RIPK4: variants seen among roughly 807,000 people sequenced by gnomAD.
RIPK4 encodes the protein receptor-interacting serine/threonine-protein kinase 4.
RIPK4 carries 17 observed loss-of-function variants against 42.9 expected under a neutral mutation model. The observed-to-expected ratio is 0.40, with a 90% CI of 0.27 to 0.59. The LOEUF is 0.59. Ranked by LOEUF, RIPK4 falls within the 20% of genes least tolerant of loss-of-function variation. RIPK4 has a pLI of 0.47. For missense variants in RIPK4, 897 were observed against 1,104.4 expected, an observed-to-expected ratio of 0.81 and a Z score of 2.66; for synonymous variants, 498 against 499.1, an observed-to-expected ratio of 1.00 and a Z score of 0.03.
chr21:41,749,598 G>A (rs1200834388), intron 3 of RIPK4, among the ~76,000 whole-genome samples: 1 of 152,114 alleles, frequency 6.6e-6, no homozygotes, highest in Non-Finnish European at 1.5e-5. Context: ...ATGAATGATG[G>A]GCAACTCCCA....
chr21:41,759,365 T>C (rs116954548), intron 1 of RIPK4, among the ~76,000 whole-genome samples: 8,024 of 152,226 alleles, frequency 0.053, 281 homozygotes, highest in Non-Finnish European at 0.071. Context: ...GTGCTAGGAT[T>C]ACAGGCATGA....
At chr21:41,743,132 G>A (rs1170551699) in intron 7 of RIPK4, among the ~76,000 whole-genome samples, 1 of 151,580 alleles carries the variant, frequency 6.6e-6, no homozygotes, top group Non-Finnish European at 1.5e-5. Flanking sequence ...TTGCAGCCTT[G>A]GCCCTCAGCC....
intron 4 of RIPK4, among the ~76,000 whole-genome samples, chr21:41,747,820 C>T (rs1369549874): frequency 2.0e-5 from 3 of 152,198 alleles, no homozygotes; most frequent in Non-Finnish European, 4.4e-5. Context: ...GCCTTGTTCT[C>T]CTGCACCTTG....
intron 1 of RIPK4, among the ~76,000 whole-genome samples, chr21:41,762,856 A>T (rs1426662523): frequency 6.6e-6 from 1 of 152,206 alleles, no homozygotes; most frequent in Non-Finnish European, 1.5e-5. Flanking sequence ...GGAGCACAGA[A>T]CATCACACAG....
intron 2 of RIPK4, among the ~76,000 whole-genome samples, chr21:41,753,231 T>C (rs1314188227): frequency 3.3e-5 from 5 of 152,110 alleles, no homozygotes; most frequent in African/African-American, 1.2e-4. Context: ...ACCCATCCTG[T>C]AGCTTTGTTG....
intron 1 of RIPK4, among the ~76,000 whole-genome samples, chr21:41,760,221 T>C (rs12481975): frequency 0.16 from 23,676 of 152,248 alleles, 1,987 homozygotes; most frequent in Middle Eastern, 0.26. Flanking sequence ...CACTTCAGTA[T>C]TCCCAGCACT....
chr21:41,746,803 T>C lies in RIPK4; in HGVS notation c.674-32A>G, dbSNP rs768835121. ...AGGGAAGGATGCGAGTCAGGGGCTCTGCAGGGCTGGGTGGCAGCATCTCAC... is the reference window on the plus strand; with the variant it reads ...AGGGAAGGATGCGAGTCAGGGGCTCCGCAGGGCTGGGTGGCAGCATCTCAC... On this transcript the variant is annotated intron_variant, in intron 4 of 7. Transcript: ENST00000332512. 4 of 1,548,144 alleles carry C rather than the reference T, an allele frequency of 2.6e-6. No homozygotes were observed. The Admixed American group carries it at 7.3e-5, about 28-fold the overall frequency.
At chr21:41,758,903 A>C (rs779032034) in intron 1 of RIPK4, among the ~76,000 whole-genome samples, 1 of 152,184 alleles carries the variant, frequency 6.6e-6, no homozygotes, top group Admixed American at 6.5e-5. Flanking sequence ...TATTGGCATC[A>C]TGGGTCAAAA....
At chr21:41,750,404 TGAA>T (rs1278102127) in intron 3 of RIPK4, among the ~76,000 whole-genome samples, 6 of 152,214 alleles carry the variant, frequency 3.9e-5, no homozygotes, top group African/African-American at 1.2e-4. Flanking sequence ...TTAAGTGCCA[TGAA>T]GAAGATGAGC....
In RIPK4 at chr21:41,740,710, G is replaced by T; in HGVS notation, c.*128C>A. ...AGCAGCCGCCTCCTGATGGCACCAT[G>T]TCACCTCTGCTTGGTTAACATTTAG... is the stretch of plus-strand genomic sequence containing the variant. On this transcript the variant is annotated 3_prime_UTR_variant, in exon 8 of 8. Coordinates refer to ENST00000332512, the MANE Select transcript of RIPK4 (RefSeq NM_020639.3). 1 of 947,776 alleles carries T rather than the reference G, an allele frequency of 1.1e-6. No individual in the cohort carries two copies. The highest frequency in any genetic ancestry group is 1.5e-6 in the Non-Finnish European group (1 of 655,122). 58.7% of individuals were successfully genotyped at this position (947,776 alleles called of 1,614,324 possible).
In RIPK4 at chr21:41,744,476, C is replaced by T. The variant is rs141558301; in HGVS notation, c.937-336G>A. Among the ~76,000 whole-genome samples, 16 of 152,330 alleles carry T rather than the reference C, an allele frequency of 1.1e-4. No individual in the cohort carries two copies. The East Asian group carries it at 2.9e-3, about 28-fold the overall frequency. ...CGCCAGGGAGCTCAAAGACTTGGAGCTACAAAGACTTGCGCTGGCCCCACC... is the reference window on the plus strand; with the variant it reads ...CGCCAGGGAGCTCAAAGACTTGGAGTTACAAAGACTTGCGCTGGCCCCACC... On this transcript the variant is annotated intron_variant, in intron 6 of 7. Transcript: ENST00000332512.
At chr21:41,746,218 T>C (rs1234399948) in intron 5 of RIPK4, 5 of 609,208 alleles carry the variant, frequency 8.2e-6, no homozygotes, top group African/African-American at 7.2e-5. Flanking sequence ...TCAGGGTGAC[T>C]TTCCTATGCC....
rs1321508831 is a variant in RIPK4, at chr21:41,749,140, A to G, written c.673+14T>C. The G allele has an allele frequency of 1.9e-6, 3 of 1,613,380 alleles. No individual in the cohort carries two copies. In the South Asian group the frequency reaches 3.3e-5, roughly 18 times the overall value. ...AAGACAAGCACATTACACCTCAAAG[A>G]CAGGTCCACTCACCTGCAAACGGCT... On this transcript the variant is annotated intron_variant, in intron 4 of 7. Coordinates refer to ENST00000332512, the MANE Select transcript of RIPK4 (RefSeq NM_020639.3).
chr21:41,740,054 A>ACT lies in RIPK4; in HGVS notation c.*782_*783dup, dbSNP rs34075882. The ACT allele has an allele frequency of 0.41, 61,688 of 151,824 alleles. 13,192 individuals are homozygous for ACT. Among genetic ancestry groups the ACT allele is most frequent in the East Asian group, 0.61 (3,124 of 5,126 alleles). The allele number at this position is 151,824 out of a possible 1,614,324, so 9.4% of individuals were successfully genotyped here. A position where few individuals can be genotyped will look rare whatever the true frequency, so the allele number is the denominator to read the frequency against. On this transcript the variant is annotated 3_prime_UTR_variant, in exon 8 of 8. Coordinates refer to ENST00000332512, the MANE Select transcript of RIPK4 (RefSeq NM_020639.3). ...GTTACAAAGGGAGAATTTTTTAATGACTTAGGCCTGTGGCTCTAGAGTTGC... is the reference window on the plus strand; with the variant it reads ...GTTACAAAGGGAGAATTTTTTAATGACTCTTAGGCCTGTGGCTCTAGAGTTGC...
chr21:41,763,455 T>A (rs2838118), intron 1 of RIPK4, among the ~76,000 whole-genome samples: 5 of 151,922 alleles, frequency 3.3e-5, no homozygotes, highest in Admixed American at 1.3e-4. Flanking sequence ...GGGAAAGAAC[T>A]GCCCCGGGAC....
At position 41,742,121 on chromosome 21, in the gene RIPK4, A is replaced by T. The variant is rs558268189; in HGVS notation, c.1196-124T>A. On this transcript the variant is annotated intron_variant, in intron 7 of 7. Coordinates refer to ENST00000332512, the MANE Select transcript of RIPK4 (RefSeq NM_020639.3). This position sits in a 1 kb window ranked among gnomAD's most constrained non-coding sequence, Gnocchi z 5.1. ...ATGGCCTCCAGGCTGCTCGCTGGTC[A>T]CCCGACTGTGTTTGAGCGTTGTCTG... 1 of 848,566 alleles carries T rather than the reference A, an allele frequency of 1.2e-6. No individual in the cohort carries two copies. Among genetic ancestry groups the T allele is most frequent in the Admixed American group, 2.4e-5 (1 of 41,798 alleles). 52.6% of individuals were successfully genotyped at this position (848,566 alleles called of 1,614,324 possible).
At position 41,744,159 on chromosome 21, in the gene RIPK4, G is replaced by A. The variant is rs73906243; in HGVS notation, c.937-19C>T. On this transcript the variant is annotated intron_variant, in intron 6 of 7. Transcript: ENST00000332512. ...GCACCACCTGCGAAGATGCAGAAGA[G>A]GGGGTGGGTGAAGACCCTGCCATAG... 0.031 allele frequency: 49,089 copies of A among 1,560,580 alleles called. 1,358 individuals carry two copies. Among genetic ancestry groups the A allele is most frequent in the African/African-American group, 0.13 (9,245 of 73,854 alleles).
rs202070628 is a variant in RIPK4 at position 41,741,054 on chromosome 21, G to A, written c.2139C>T (p.His713=). 48 of 1,610,234 alleles carry A rather than the reference G, an allele frequency of 3.0e-5. No individual in the cohort carries two copies. The highest frequency in any genetic ancestry group is 1.7e-4 in the Middle Eastern group (1 of 6,056). Residue 713 remains histidine, a synonymous_variant, in exon 8 of 8, where the codon CAC becomes CAT. Transcript: ENST00000332512. ...NQTALHLAAA[H]GHSEVVEELV... is the part of the protein sequence containing the mutation. ...ACTCCTCCACCACCTCCGAGTGCCC[G>A]TGGGCGGCAGCCAGGTGCAGCGCCG...
rs2061153083 is a variant in RIPK4 at position 41,741,354 on chromosome 21, C to T, written c.1839G>A (p.Gln613=). 2 of 1,611,292 alleles carry T rather than the reference C, an allele frequency of 1.2e-6. No homozygotes were observed. Among genetic ancestry groups the T allele is most frequent in the Non-Finnish European group, 8.5e-7 (1 of 1,179,820 alleles). Residue 613 remains glutamine, a synonymous_variant, in exon 8 of 8, where the codon CAG becomes CAA. Transcript: ENST00000332512. The part of the protein sequence containing the change: ...DGRTPLHLAA[Q]RGHYRVARIL... ...TGCGGGCCACGCGGTAGTGCCCGCG[C>T]TGTGCGGCCAGGTGCAATGGCGTCC...
Sources: allele counts gnomAD v4.1 joint callset (sites outside exome capture counted in the v4.1 genomes callset), GRCh38; gene constraint gnomAD v4.1.1; non-coding constraint Gnocchi (gnomAD v3.1); transcripts MANE v1.5; gene names NCBI Gene and HGNC (gene_info 2026-07-23, HGNC 2026-07-21).